HSP90AB1: variants seen among roughly 807,000 people sequenced by gnomAD.
The protein encoded by HSP90AB1 is heat shock protein HSP 90-beta.
In HSP90AB1, 17 loss-of-function variants were observed where a neutral mutation model predicts 67.8. That is an observed-to-expected ratio of 0.25 (90% CI 0.17 to 0.38). The LOEUF (loss-of-function observed/expected upper bound fraction) is 0.38, where lower values mean the gene tolerates loss of function less well. Ranked by LOEUF, HSP90AB1 falls within the 10% of genes least tolerant of loss-of-function variation. The probability of loss-of-function intolerance (pLI) is 1.00; values close to 1 mark genes in which losing one functional copy is unlikely to be tolerated. For synonymous variants in HSP90AB1, 390 were observed against 312.9 expected (o/e 1.25, Z -2.60); for missense variants, 690 against 899.9 (o/e 0.77, Z 2.98).
rs368322285 is a variant in HSP90AB1, at chr6:44,247,802, C to T, written c.-1+607C>T. The stretch of plus-strand genomic sequence containing the variant: ...GTTCTGGAAGATTCATGGGCTCCTT[C>T]CTCCGCCCTTCCTCGAGAGCTGAGA... On this transcript the variant is annotated intron_variant, in intron 1 of 11. Coordinates refer to ENST00000371646, the MANE Select transcript of HSP90AB1 (RefSeq NM_007355.4). 9.8e-5 allele frequency: 15 copies of T among 152,334 alleles called. No individual in the cohort carries two copies. In the East Asian group the frequency reaches 2.9e-3, roughly 29 times the overall value. 9.4% of individuals were successfully genotyped at this position (152,334 alleles called of 1,614,324 possible).
chr6:44,251,801 C>T lies in HSP90AB1; in HGVS notation c.1379C>T (p.Ser460Phe), dbSNP rs1302965167. The T allele has an allele frequency of 1.2e-6, 2 of 1,613,192 alleles. No individual in the cohort carries two copies. Among genetic ancestry groups the T allele is most frequent in the Non-Finnish European group, 8.5e-7 (1 of 1,180,038 alleles). The stretch of plus-strand genomic sequence containing the variant: ...TCTGAGCTGCTGCGCTATCATACCT[C>T]CCAGTCTGGAGATGAGATGACATCT... ...RLSELLRYHTSQSGDEMTSLS... is the reference protein window; with the variant it reads ...RLSELLRYHTFQSGDEMTSLS... The change falls in exon 9 of 12, where the codon TCC becomes TTC. Residue 460 changes from serine to phenylalanine, a missense_variant. Ser to Phe is a radical substitution (Grantham distance 155). Around this residue, in one of 7 missense-constraint regions of HSP90AB1, gnomAD observed 206 missense variants for 221.4 expected, o/e 0.93. Coordinates refer to ENST00000371646, the MANE Select transcript of HSP90AB1 (RefSeq NM_007355.4).
At chr6:44,251,919 G>C (rs773214140) in intron 9 of HSP90AB1, 35 bp downstream of exon 9, 1 of 1,613,436 alleles carries the variant, frequency 6.2e-7, no homozygotes, top group Non-Finnish European at 8.5e-7. Context: ...TTTTGGAGGA[G>C]TGGGGAGCAC....
intron 2 of HSP90AB1, 64 bp downstream of exon 2, chr6:44,248,840 A>G: frequency 5.3e-6 from 8 of 1,497,652 alleles, no homozygotes; most frequent in Non-Finnish European, 7.3e-6. Context: ...AGGAGGGGAA[A>G]GGAGTGGTTT....
chr6:44,249,016 G>T (rs1478239527), intron 2 of HSP90AB1, among the ~76,000 whole-genome samples: 1 of 152,182 alleles, frequency 6.6e-6, no homozygotes, highest in Non-Finnish European at 1.5e-5. Context: ...TCAGATTTGA[G>T]GCTGAGAGAG....
At position 44,251,084 on chromosome 6, in the gene HSP90AB1, T is replaced by C. The variant is rs1780587738; in HGVS notation, c.994T>C (p.Leu332=). ...SVEGQLEFRA[L]LFIPRRAPFD... Reference sequence around the variant, plus strand: ...AGAAGGTCAGTTGGAATTCAGGGCATTGCTATTTATTCCTCGTCGGGCTCC... The same window carrying C: ...AGAAGGTCAGTTGGAATTCAGGGCACTGCTATTTATTCCTCGTCGGGCTCC... Residue 332 remains leucine (L), a synonymous_variant, in exon 7 of 12, where the codon TTG becomes CTG. Transcript: ENST00000371646. The C allele has an allele frequency of 6.2e-7, 1 of 1,614,018 alleles. No homozygotes were observed. The highest frequency in any genetic ancestry group is 1.1e-5 in the South Asian group (1 of 91,092).
chr6:44,250,910 G>A (rs1780562045), intron 6 of HSP90AB1, 138 bp from the exon 7 acceptor site: 2 of 772,088 alleles, frequency 2.6e-6, no homozygotes, highest in Non-Finnish European at 4.4e-6. Context: ...TTAAGGCTCA[G>A]TTTTCTCAGG....
At chr6:44,248,464 G>C (rs1780238820) in intron 1 of HSP90AB1, among the ~76,000 whole-genome samples, 166 bp from the exon 2 acceptor site, 1 of 152,212 alleles carries the variant, frequency 6.6e-6, no homozygotes, top group Non-Finnish European at 1.5e-5. Context: ...TTAGTGTGTA[G>C]TCTGAGATCT....
rs368829272 is a variant in HSP90AB1, at chr6:44,251,742, A to C, written c.1320A>C (p.Gly440=). Residue 440 remains glycine, a synonymous_variant, in exon 9 of 12, where the codon GGA becomes GGC. Coordinates refer to ENST00000371646, the MANE Select transcript of HSP90AB1 (RefSeq NM_007355.4). ...YEAFSKNLKL[G]IHEDSTNRRR... ...TCCTCTTCCCACCCTTCAAGCTTGG[A>C]ATCCACGAAGACTCCACTAACCGCC... 14 of 1,613,008 alleles carry C rather than the reference A, an allele frequency of 8.7e-6. No individual in the cohort carries two copies. Among genetic ancestry groups the C allele is most frequent in the African/African-American group, 1.3e-5 (1 of 74,886 alleles).
At chr6:44,247,086 G>C (rs566234833), upstream of HSP90AB1, 3 of 152,210 alleles carry the variant, frequency 2.0e-5, no homozygotes, top group African/African-American at 7.2e-5. Flanking sequence ...GGGCGACTTG[G>C]GGCACGCAGT....
chr6:44,253,223 C>T lies in HSP90AB1; in HGVS notation c.1910C>T (p.Thr637Met), dbSNP rs149806037. 226 of 1,614,070 alleles carry T rather than the reference C, an allele frequency of 1.4e-4. No homozygotes were observed. In the East Asian group the frequency reaches 1.4e-3, roughly 10 times the overall value. ...EINPDHPIVE[T>M]LRQKAEADKN... is the part of the protein sequence containing the mutation. ...AACCCTGACCACCCCATTGTGGAGA[C>T]GCTGCGGCAGAAGGCTGAGGCCGAC... The change falls in exon 11 of 12, where the codon ACG becomes ATG. Residue 637 changes from threonine (T) to methionine (M), a missense_variant. By Grantham distance (81) the Thr-to-Met change is moderately conservative. Coordinates refer to ENST00000371646, the MANE Select transcript of HSP90AB1 (RefSeq NM_007355.4).
chr6:44,251,631 T>A, intron 8 of HSP90AB1, 23 bp downstream of exon 8: 8 of 1,593,530 alleles, frequency 5.0e-6, no homozygotes, highest in Non-Finnish European at 6.9e-6. Context: ...ATAATGCTTA[T>A]TCCCTTTACC....
rs552365107 is a variant in HSP90AB1 at position 44,252,359 on chromosome 6, A to G, written c.1731+92A>G. On this transcript the variant is annotated intron_variant, in intron 10 of 11. Coordinates refer to ENST00000371646, the MANE Select transcript of HSP90AB1 (RefSeq NM_007355.4). ...TTCTATACAATTAGTGGTTTGAGGC[A>G]GCCTATTTACTGTTTCATGCCTTCT... 23 of 1,197,106 alleles carry G rather than the reference A, an allele frequency of 1.9e-5. No individual in the cohort carries two copies. The Admixed American group carries it at 4.3e-4, about 22-fold the overall frequency. The allele number at this position is 1,197,106 out of a possible 1,614,324, so 74.2% of individuals were successfully genotyped here.
Position 44,249,595 on chromosome 6 carries a change from C to T in HSP90AB1, c.354+12C>T, listed in dbSNP as rs777254436. 9.3e-6 allele frequency: 15 copies of T among 1,612,826 alleles called. No homozygotes were observed. Among genetic ancestry groups the T allele is most frequent in the Admixed American group, 1.7e-5 (1 of 59,976 alleles). On this transcript the variant is annotated intron_variant, in intron 3 of 11. Transcript: ENST00000371646. ...TGGAGGCTCTTCAGGTATTGCAGTT[C>T]TGTAGGCATTCATACTTATCTGTGT...
intron 1 of HSP90AB1, among the ~76,000 whole-genome samples, chr6:44,247,533 C>CG (rs1196046299): frequency 2.6e-5 from 4 of 152,200 alleles, no homozygotes; most frequent in Admixed American, 6.5e-5. Context: ...GACGCGGCTA[C>CG]GGGGCGTCGG....
At chr6:44,247,539 G>T (rs1378757826) in intron 1 of HSP90AB1, among the ~76,000 whole-genome samples, 52 of 152,202 alleles carry the variant, frequency 3.4e-4, no homozygotes, top group Non-Finnish European at 7.3e-5. Context: ...GCTACGGGGC[G>T]TCGGAGGGGG....
chr6:44,248,674 T>G lies in HSP90AB1; in HGVS notation c.45T>G (p.Phe15Leu), dbSNP rs771843563. The G allele has an allele frequency of 6.2e-7, 1 of 1,614,092 alleles. No individual in the cohort carries two copies. The highest frequency in any genetic ancestry group is 1.1e-5 in the South Asian group (1 of 91,066). Reference protein sequence around the residue: ...VHHGEEEVETFAFQAEIAQLM... With the variant: ...VHHGEEEVETLAFQAEIAQLM... ...ATGGAGAGGAGGAGGTGGAGACTTT[T>G]GCCTTTCAGGCAGAAATTGCCCAAC... The change falls in exon 2 of 12, where the codon TTT (phenylalanine) becomes TTG (leucine). Residue 15 changes from phenylalanine (F) to leucine (L), a missense_variant. Transcript: ENST00000371646.
In HSP90AB1 at chr6:44,249,367, G is replaced by A. The variant is rs756402941; in HGVS notation, c.148-10G>A. ...AAAGAGCAAAAGTAAGTTGCTGTTT[G>A]TATTTCCAGGCCTTGGACAAGATTC... On this transcript the variant is annotated splice_polypyrimidine_tract_variant and intron_variant, in intron 2 of 11. Coordinates refer to ENST00000371646, the MANE Select transcript of HSP90AB1 (RefSeq NM_007355.4). The A allele has an allele frequency of 5.0e-6, 8 of 1,610,806 alleles. No homozygotes were observed. Among genetic ancestry groups the A allele is most frequent in the Admixed American group, 1.7e-5 (1 of 59,998 alleles).
intron 1 of HSP90AB1, chr6:44,248,096 T>C (rs1440675853): frequency 1.3e-5 from 2 of 152,580 alleles, no homozygotes; most frequent in African/African-American, 4.8e-5. Flanking sequence ...ATCGTATGGA[T>C]CCCAGGTTAT....
At chr6:44,248,962 G>A (rs1471148057) in intron 2 of HSP90AB1, among the ~76,000 whole-genome samples, 186 bp downstream of exon 2, 1 of 152,326 alleles carries the variant, frequency 6.6e-6, no homozygotes, top group Non-Finnish European at 1.5e-5. Flanking sequence ...GAATAAGTGG[G>A]CTCATGGAAC....
Sources: allele counts gnomAD v4.1 joint callset (sites outside exome capture counted in the v4.1 genomes callset), GRCh38; gene constraint gnomAD v4.1.1; regional missense constraint gnomAD v4.1.1; transcripts MANE v1.5; gene names NCBI Gene and HGNC (gene_info 2026-07-23, HGNC 2026-07-21).